SLF2: variants seen among roughly 807,000 people sequenced by gnomAD.
SLF2 encodes SMC5-SMC6 complex localization factor protein 2.
In SLF2, 68 loss-of-function variants were observed where a neutral mutation model predicts 124.3. That is an observed-to-expected ratio of 0.55 (90% CI 0.45 to 0.67). SLF2 has a LOEUF of 0.67. SLF2 is among the 30% of genes least tolerant of loss of function. The probability of loss-of-function intolerance (pLI) is 0.00; values close to 1 mark genes in which losing one functional copy is unlikely to be tolerated. For missense variants in SLF2, 1,246 were observed against 1,373.7 expected (o/e 0.91, Z 1.47); for synonymous variants, 480 against 478.8 (o/e 1.00, Z -0.03).
In SLF2 at chr10:100,924,015, G is replaced by A; in HGVS notation, c.1014G>A (p.Arg338=). The change falls in exon 5 of 20, where the codon AGG becomes AGA. Residue 338 remains arginine (R), a synonymous_variant. Coordinates refer to ENST00000238961, the MANE Select transcript of SLF2 (RefSeq NM_018121.4). ...ATAAATTCCCTGAAAAAAGAAAAAGGAACTCTGTGGACTCAGATCTGAAAA... is the reference window on the plus strand; with the variant it reads ...ATAAATTCCCTGAAAAAAGAAAAAGAAACTCTGTGGACTCAGATCTGAAAA... The part of the protein sequence containing the change: ...KQNKFPEKRK[R]NSVDSDLKST... 6.4e-7 allele frequency: 1 copy of A among 1,563,986 alleles called. No individual in the cohort carries two copies. The highest frequency in any genetic ancestry group is 8.6e-7 in the Non-Finnish European group (1 of 1,162,360).
chr10:100,950,902 C>A, intron 17 of SLF2, 149 bp downstream of exon 17: 1 of 648,170 alleles, frequency 1.5e-6, no homozygotes, highest in Admixed American at 2.9e-5. Flanking sequence ...CCCATGTATA[C>A]CAGAAAGAGG....
intron 1 of SLF2, 150 bp from the exon 2 acceptor site, chr10:100,915,849 G>C (rs556717221): frequency 6.4e-6 from 4 of 627,508 alleles, no homozygotes; most frequent in Non-Finnish European, 1.1e-5. Flanking sequence ...TTAATGAACA[G>C]TTTAGCAAAG....
chr10:100,929,789 G>A (rs1419575191), intron 7 of SLF2, 41 bp from the exon 8 acceptor site: 2 of 1,449,968 alleles, frequency 1.4e-6, no homozygotes, highest in Admixed American at 4.5e-5. Flanking sequence ...ACTATATGTA[G>A]TGTAACAATT....
rs1849887062 is a variant in SLF2 at position 100,937,477 on chromosome 10, G to T, written c.2512G>T (p.Asp838Tyr). 1.3e-6 allele frequency: 2 copies of T among 1,548,064 alleles called. No individual in the cohort carries two copies. Among genetic ancestry groups the T allele is most frequent in the Non-Finnish European group, 1.8e-6 (2 of 1,120,422 alleles). The change falls in exon 10 of 20, where the codon GAT becomes TAT. Residue 838 changes from aspartate (D) to tyrosine (Y), a missense_variant and splice_region_variant. Physicochemically the swap from Asp to Tyr is radical, Grantham distance 160. Transcript: ENST00000238961. ...STLMEITIRN[D>Y]TFSDSPVWPW... is the part of the protein sequence containing the mutation. ...ATTGATGGAAATAACAATTAGAAAT[G>T]GTAAGTATATCAACTTATTAAGATT...
intron 1 of SLF2, among the ~76,000 whole-genome samples, chr10:100,915,714 C>A (rs1387518233): frequency 6.6e-6 from 1 of 152,160 alleles, no homozygotes; most frequent in Non-Finnish European, 1.5e-5. Flanking sequence ...AAGAAGCACT[C>A]TGTACTAATT....
chr10:100,923,359 A>G (rs1849554781), intron 4 of SLF2, among the ~76,000 whole-genome samples: 1 of 151,986 alleles, frequency 6.6e-6, no homozygotes, highest in Non-Finnish European at 1.5e-5. Context: ...AATCTTTGGC[A>G]TTTCTTGACT....
intron 15 of SLF2, among the ~76,000 whole-genome samples, chr10:100,949,507 A>T (rs1477205621): frequency 1.3e-5 from 2 of 152,144 alleles, no homozygotes; most frequent in Non-Finnish European, 2.9e-5. Flanking sequence ...TTTAACAGAG[A>T]AAGCATTCCC....
intron 18 of SLF2, 128 bp from the exon 19 acceptor site, chr10:100,959,300 G>A (rs1031020553): frequency 1.4e-5 from 10 of 732,502 alleles, no homozygotes; most frequent in Admixed American, 8.6e-5. Context: ...TCTCTTTGTT[G>A]ACAGAAATCA....
intron 2 of SLF2, 29 bp downstream of exon 2, chr10:100,916,071 G>A: frequency 6.3e-7 from 1 of 1,584,104 alleles, no homozygotes; most frequent in Non-Finnish European, 8.6e-7. Flanking sequence ...CATTTTTTGT[G>A]GGCTATTTTG....
At chr10:100,954,296 C>T (rs967114109) in intron 17 of SLF2, among the ~76,000 whole-genome samples, 38 of 152,126 alleles carry the variant, frequency 2.5e-4, no homozygotes, top group Middle Eastern at 6.8e-3. Context: ...GTACTTCTAT[C>T]TAATAACTAT....
rs909548299 is a variant in SLF2 at position 100,950,981 on chromosome 10, C to T, written c.3330+228C>T. ...GTTGGCCAGGCGCCATGGCTCACGCCTGTAATCCCAACACTTTGGGAGGCC... is the reference window on the plus strand; with the variant it reads ...GTTGGCCAGGCGCCATGGCTCACGCTTGTAATCCCAACACTTTGGGAGGCC... On this transcript the variant is annotated intron_variant, in intron 17 of 19. Transcript: ENST00000238961. 2.6e-5 allele frequency among the ~76,000 whole-genome samples: 4 copies of T among 152,346 alleles called. No homozygotes were observed. The South Asian group carries it at 6.2e-4, about 24-fold the overall frequency.
intron 9 of SLF2, among the ~76,000 whole-genome samples, chr10:100,932,720 T>TGTGTGTGTGTGTGTGTGTGTGC (rs763852210): frequency 2.8e-5 from 1 of 36,224 alleles, no homozygotes; most frequent in Non-Finnish European, 5.7e-5. Context: ...TGTGTGTGTG[T>TGTGTGTGTGTGTGTGTGTGTGC]GCGCGCGCGC....
rs1257224297 is a variant in SLF2, at chr10:100,913,703, G to A, written c.140+453G>A. ...TCCACGAATTACTTTGTAGTCCAGC[G>A]TGCACGCTAGTTCATACTTAAAAGA... On this transcript the variant is annotated intron_variant, in intron 1 of 19. Transcript: ENST00000238961. 1.7e-5 allele frequency: 17 copies of A among 995,874 alleles called. No individual in the cohort carries two copies. The Admixed American group carries it at 1.8e-4, about 11-fold the overall frequency. The allele number at this position is 995,874 out of a possible 1,614,324, so 61.7% of individuals were successfully genotyped here.
intron 1 of SLF2, among the ~76,000 whole-genome samples, chr10:100,914,775 G>A (rs1304038513): frequency 1.3e-5 from 2 of 152,166 alleles, no homozygotes; most frequent in East Asian, 1.9e-4. Flanking sequence ...TCAAACAAGC[G>A]TGATGGACTT....
chr10:100,944,870 CA>C (rs971995180), intron 12 of SLF2, among the ~76,000 whole-genome samples: 5 of 148,368 alleles, frequency 3.4e-5, no homozygotes, highest in Admixed American at 6.7e-5. Context: ...ACTAAAAATA[CA>C]AAAAAAAAAT....
chr10:100,953,234 T>C, intron 17 of SLF2, among the ~76,000 whole-genome samples: 1 of 151,626 alleles, frequency 6.6e-6, no homozygotes, highest in East Asian at 2.0e-4. Context: ...GTTGATCATG[T>C]TGCTCTCGAA....
At chr10:100,920,871 C>T (rs1849511477) in intron 4 of SLF2, among the ~76,000 whole-genome samples, 1 of 152,182 alleles carries the variant, frequency 6.6e-6, no homozygotes, top group South Asian at 2.1e-4. Flanking sequence ...ATTGCTTGAA[C>T]CTGGAAGGTG....
At chr10:100,917,822 C>T (rs1361048116) in intron 3 of SLF2, among the ~76,000 whole-genome samples, 1 of 152,174 alleles carries the variant, frequency 6.6e-6, no homozygotes, top group Non-Finnish European at 1.5e-5. Flanking sequence ...AGCGATCCTC[C>T]TGCTTCCTGT....
chr10:100,948,283 C>T (rs1228804835), intron 15 of SLF2, among the ~76,000 whole-genome samples: 1 of 152,122 alleles, frequency 6.6e-6, no homozygotes, highest in African/African-American at 2.4e-5. Flanking sequence ...TAGTTGCCCT[C>T]TAGTACTTGT....
Sources: gnomAD v4.1 joint callset for allele counts (sites outside exome capture counted in the v4.1 genomes callset) on GRCh38, gnomAD v4.1.1 for gene constraint, MANE v1.5 for transcripts, NCBI Gene and HGNC (gene_info 2026-07-23, HGNC 2026-07-21) for gene names.